The following BTBD9 variants were observed in gnomAD, a reference collection of about 807,000 sequenced individuals.
The protein encoded by BTBD9 is BTB domain containing 9, also known as BTB/POZ domain-containing protein 9.
In BTBD9, 49 loss-of-function variants were observed where a neutral mutation model predicts 64.3. That is an observed-to-expected ratio of 0.76 (90% CI 0.61 to 0.97). The LOEUF is 0.97. Among genes scored for constraint, BTBD9 ranks in the 50% least tolerant of loss-of-function variants. The pLI is 0.00. For missense variants in BTBD9, 598 were observed against 762.1 expected (o/e 0.78, Z 2.53); for synonymous variants, 260 against 274.7 (o/e 0.95, Z 0.53).
intron 8 of BTBD9, among the ~76,000 whole-genome samples, chr6:38,284,414 T>C (rs941956915): frequency 6.6e-6 from 1 of 152,178 alleles, no homozygotes; most frequent in Non-Finnish European, 1.5e-5. Context: ...AGATTCAACA[T>C]CTCTGATTCT....
intron 6 of BTBD9, among the ~76,000 whole-genome samples, chr6:38,358,712 T>C (rs546034240): frequency 4.4e-4 from 67 of 152,304 alleles, no homozygotes; most frequent in African/African-American, 1.4e-3. Context: ...TCCTGAGTCA[T>C]TCAATGACTC....
chr6:38,211,016 G>A (rs1762814914), intron 9 of BTBD9, among the ~76,000 whole-genome samples: 1 of 152,210 alleles, frequency 6.6e-6, no homozygotes, highest in South Asian at 2.1e-4. Flanking sequence ...AAAGGTATCA[G>A]AGCCTTTGTT....
At chr6:38,555,541 G>C (rs1049954936) in intron 6 of BTBD9, among the ~76,000 whole-genome samples, 1 of 152,216 alleles carries the variant, frequency 6.6e-6, no homozygotes, top group Non-Finnish European at 1.5e-5. Flanking sequence ...CAAAATAGTA[G>C]TAGTAGCAGT....
At chr6:38,367,407 C>T (rs1765224237) in intron 6 of BTBD9, among the ~76,000 whole-genome samples, 5 of 152,190 alleles carry the variant, frequency 3.3e-5, no homozygotes, top group Admixed American at 6.5e-5. Context: ...CTGACAGTTA[C>T]ACCATAGCAG....
rs74574808 is a variant in BTBD9 at position 38,204,183 on chromosome 6, T to C, written c.1563-11586A>G. ...CCTGGCAGTTCCTCAGGTGGTTAAA[T>C]AGAGAGGTGTGATATGATCCAAAAA... is the stretch of plus-strand genomic sequence containing the variant. On this transcript the variant is annotated intron_variant, in intron 9 of 10. Coordinates refer to ENST00000481247, the MANE Select transcript of BTBD9 (RefSeq NM_001099272.2). Among the ~76,000 whole-genome samples the C allele has an allele frequency of 3.0e-4, 46 of 152,242 alleles. No individual in the cohort carries two copies. In the East Asian group the frequency reaches 8.7e-3, roughly 29 times the overall value.
chr6:38,615,594 C>G (rs1324639381), intron 1 of BTBD9, among the ~76,000 whole-genome samples: 6 of 152,184 alleles, frequency 3.9e-5, no homozygotes, highest in Admixed American at 2.0e-4. Context: ...AAGCTTCATA[C>G]TACTGGCCAC....
At chr6:38,481,643 T>C (rs1294133461) in intron 6 of BTBD9, 1 of 152,150 alleles carries the variant, frequency 6.6e-6, no homozygotes, top group Non-Finnish European at 1.5e-5. Context: ...GGCAGCACCA[T>C]TTGCTAGCAC....
In BTBD9 at chr6:38,195,974, G is replaced by C. The variant is rs1485400397; in HGVS notation, c.1563-3377C>G. 2.6e-5 allele frequency among the ~76,000 whole-genome samples: 4 copies of C among 152,376 alleles called. No individual in the cohort carries two copies. The East Asian group carries it at 5.8e-4, about 22-fold the overall frequency. Reference sequence around the variant, plus strand: ...GTCTAATACACATAAGCATTAAACAGAGTACCTATCTTGCCTATTGTCCAA... The same window carrying C: ...GTCTAATACACATAAGCATTAAACACAGTACCTATCTTGCCTATTGTCCAA... On this transcript the variant is annotated intron_variant, in intron 9 of 10. Coordinates refer to ENST00000481247, the MANE Select transcript of BTBD9 (RefSeq NM_001099272.2).
At chr6:38,387,690 T>C (rs1261035353) in intron 6 of BTBD9, among the ~76,000 whole-genome samples, 1 of 152,202 alleles carries the variant, frequency 6.6e-6, no homozygotes, top group Non-Finnish European at 1.5e-5. Flanking sequence ...ATATAACATA[T>C]GGATCTGCAA....
At chr6:38,464,707 G>A (rs1582472530) in intron 6 of BTBD9, among the ~76,000 whole-genome samples, 1 of 152,080 alleles carries the variant, frequency 6.6e-6, no homozygotes, top group East Asian at 1.9e-4. Flanking sequence ...AGTTGGCCAG[G>A]CTAGTCTTGA....
At chr6:38,458,805 A>G (rs1446744119) in intron 6 of BTBD9, among the ~76,000 whole-genome samples, 3 of 152,224 alleles carry the variant, frequency 2.0e-5, no homozygotes, top group African/African-American at 7.2e-5. Context: ...TGGTAAATTG[A>G]AGAATATATT....
At chr6:38,295,189 C>G (rs184400477) in intron 7 of BTBD9, among the ~76,000 whole-genome samples, 1 of 152,004 alleles carries the variant, frequency 6.6e-6, no homozygotes, top group East Asian at 1.9e-4. Flanking sequence ...TGTTGAGACA[C>G]GGTCTCATTC....
rs1212037313 is a variant in BTBD9 at position 38,169,791 on chromosome 6, TACTC to T, written c.*5190_*5193del. ...CCCCCCGCCCATTCAGGGCTATAAATACTCACGGACGCAAATGGTAAATGCTCCC... is the reference window on the plus strand; with the variant it reads ...CCCCCCGCCCATTCAGGGCTATAAATACGGACGCAAATGGTAAATGCTCCC... On this transcript the variant is annotated 3_prime_UTR_variant, in exon 11 of 11. Coordinates refer to ENST00000481247, the MANE Select transcript of BTBD9 (RefSeq NM_001099272.2). 3 of 114,898 alleles carry T rather than the reference TACTC, an allele frequency of 2.6e-5. No individual in the cohort carries two copies. The highest frequency in any genetic ancestry group is 1.0e-4 in the African/African-American group (3 of 29,978). The allele number at this position is 114,898 out of a possible 1,614,324, so 7.1% of individuals were successfully genotyped here.
intron 6 of BTBD9, among the ~76,000 whole-genome samples, chr6:38,428,225 G>A (rs1768268393): frequency 1.3e-5 from 2 of 151,886 alleles, no homozygotes; most frequent in South Asian, 4.2e-4. Context: ...GGACTGAGAA[G>A]TTTGAAGTGG....
chr6:38,512,066 C>G (rs915951439), intron 6 of BTBD9, among the ~76,000 whole-genome samples: 1 of 152,214 alleles, frequency 6.6e-6, no homozygotes, highest in East Asian at 1.9e-4. Flanking sequence ...CTCTGCCTCC[C>G]GGGTTCAAGT....
intron 1 of BTBD9, among the ~76,000 whole-genome samples, chr6:38,607,359 A>G (rs1465190313): frequency 1.3e-5 from 2 of 152,226 alleles, no homozygotes; most frequent in Admixed American, 1.3e-4. Flanking sequence ...AATGTAAAGT[A>G]ATTCCATTTT....
chr6:38,528,227 A>G (rs1773600513), intron 6 of BTBD9, among the ~76,000 whole-genome samples: 1 of 152,342 alleles, frequency 6.6e-6, no homozygotes, highest in African/African-American at 2.4e-5. Flanking sequence ...GGGAGCATTT[A>G]GACCAGCCCT....
intron 6 of BTBD9, among the ~76,000 whole-genome samples, chr6:38,411,610 A>C (rs992730574): frequency 7.2e-5 from 11 of 152,308 alleles, no homozygotes; most frequent in African/African-American, 2.6e-4. Flanking sequence ...AATGAATCAA[A>C]GACTTAAATA....
intron 8 of BTBD9, among the ~76,000 whole-genome samples, chr6:38,261,975 T>C (rs1764808400): frequency 6.6e-6 from 1 of 152,220 alleles, no homozygotes; most frequent in Admixed American, 6.5e-5. Context: ...TAAACCCCTT[T>C]GTTGATTTGA....
Sources: gnomAD v4.1 joint callset for allele counts (sites outside exome capture counted in the v4.1 genomes callset) on GRCh38, gnomAD v4.1.1 for gene constraint, MANE v1.5 for transcripts, NCBI Gene and HGNC (gene_info 2026-07-23, HGNC 2026-07-21) for gene names.